The following FERMT3 variants were observed in gnomAD, a reference collection of about 807,000 sequenced individuals.
The protein encoded by FERMT3 is FERM domain containing kindlin 3, also known as fermitin family homolog 3.
A neutral mutation model predicts 80.8 loss-of-function variants in FERMT3; 33 were observed. That is an observed-to-expected ratio of 0.41 (90% CI 0.31 to 0.55). The LOEUF (loss-of-function observed/expected upper bound fraction) is 0.55. FERMT3 is among the 20% of genes least tolerant of loss of function. FERMT3 has a pLI of 0.31. For synonymous variants in FERMT3, 375 were observed against 372.2 expected (o/e 1.01, Z -0.09); for missense variants, 754 against 908.7 (o/e 0.83, Z 2.19).
chr11:64,210,977 GC>G lies in FERMT3; in HGVS notation c.395-71del, dbSNP rs1252644274. 6 of 1,606,654 alleles carry G rather than the reference GC, an allele frequency of 3.7e-6. No homozygotes were observed. The highest frequency in any genetic ancestry group is 5.1e-6 in the Non-Finnish European group (6 of 1,176,774). ...CACCCTGCCTGCAGGGCTGTGACCCGCCCCAAGCACCCATGGGTGAGGTGGG... is the reference window on the plus strand; with the variant it reads ...CACCCTGCCTGCAGGGCTGTGACCCGCCCAAGCACCCATGGGTGAGGTGGG... On this transcript the variant is annotated intron_variant, in intron 3 of 14. Coordinates refer to ENST00000345728, the MANE Select transcript of FERMT3 (RefSeq NM_031471.6). This position sits in a 1 kb window ranked among gnomAD's most constrained non-coding sequence, Gnocchi z 4.3.
chr11:64,209,568 C>A (rs1946391921), intron 2 of FERMT3, among the ~76,000 whole-genome samples: 1 of 152,160 alleles, frequency 6.6e-6, no homozygotes, highest in African/African-American at 2.4e-5. Context: ...GGAGCCAAGA[C>A]AAGGGGATGC....
rs747641204 is a variant in FERMT3, at chr11:64,210,882, G to A, written c.394+38G>A. On this transcript the variant is annotated intron_variant, in intron 3 of 14. Coordinates refer to ENST00000345728, the MANE Select transcript of FERMT3 (RefSeq NM_031471.6). The surrounding 1 kb of genome is among the most constrained non-coding windows in gnomAD (Gnocchi z 4.3). ...GCTGATTCCCCTGGCCCACGAGGGT[G>A]ATGCAAAGAGGCAGGTTCCCCCGTT... 1.4e-5 allele frequency: 22 copies of A among 1,609,148 alleles called. No individual in the cohort carries two copies. The highest frequency in any genetic ancestry group is 1.7e-5 in the Non-Finnish European group (20 of 1,179,544).
chr11:64,218,377 C>G (rs1242825429), intron 6 of FERMT3, among the ~76,000 whole-genome samples: 1 of 152,086 alleles, frequency 6.6e-6, no homozygotes, highest in African/African-American at 2.4e-5. Context: ...AATTACAGCT[C>G]ACTGCACCCT....
chr11:64,217,751 C>A (rs1444552557), intron 6 of FERMT3, among the ~76,000 whole-genome samples: 1 of 152,124 alleles, frequency 6.6e-6, no homozygotes, highest in Non-Finnish European at 1.5e-5. Flanking sequence ...ATCCAGAGTC[C>A]TCTCTTCAGC....
chr11:64,213,957 G>A (rs1946496584), intron 6 of FERMT3, among the ~76,000 whole-genome samples: 1 of 152,086 alleles, frequency 6.6e-6, no homozygotes, highest in South Asian at 2.1e-4. Context: ...TTTGTAAGAA[G>A]GTTTCACTGT....
chr11:64,222,228 G>C (rs1946705702), intron 13 of FERMT3, among the ~76,000 whole-genome samples: 1 of 140,624 alleles, frequency 7.1e-6, no homozygotes. Flanking sequence ...GCGAACGAGT[G>C]AGACTCAGTC....
rs772191175 is a variant in FERMT3 at position 64,219,774 on chromosome 11, A to G, written c.1064A>G (p.His355Arg). 1.2e-6 allele frequency: 2 copies of G among 1,614,024 alleles called. No homozygotes were observed. Among genetic ancestry groups the G allele is most frequent in the Admixed American group, 3.3e-5 (2 of 60,016 alleles). Reference sequence around the variant, plus strand: ...ACCACCATCCCAGAGCTCAAGGACCATCTCCGAATCTTTCGGTGAGTTGGG... The same window carrying G: ...ACCACCATCCCAGAGCTCAAGGACCGTCTCCGAATCTTTCGGTGAGTTGGG... ...SLTTIPELKD[H>R]LRIFRPRKLT... The change falls in exon 9 of 15, where the codon CAT (histidine) becomes CGT (arginine). Residue 355 changes from histidine to arginine, a missense_variant. Physicochemically the swap from His to Arg is conservative, Grantham distance 29 (BLOSUM62 0). Transcript: ENST00000345728. The surrounding 1 kb of genome is among the most constrained non-coding windows in gnomAD (Gnocchi z 4.0).
chr11:64,210,613 C>G lies in FERMT3; in HGVS notation c.163C>G (p.Arg55Gly), dbSNP rs769352433. The change falls in exon 3 of 15, where the codon CGC becomes GGC. Residue 55 changes from arginine (R) to glycine (G), a missense_variant and splice_region_variant. Coordinates refer to ENST00000345728, the MANE Select transcript of FERMT3 (RefSeq NM_031471.6). This position sits in a 1 kb window ranked among gnomAD's most constrained non-coding sequence, Gnocchi z 4.3. ...VLLKIVEQIN[R>G]KQDWSDHAIW... Reference sequence around the variant, plus strand: ...AGATGTGCCCCCGTGCCCCACAGATCGCAAGCAGGACTGGTCAGACCATGC... The same window carrying G: ...AGATGTGCCCCCGTGCCCCACAGATGGCAAGCAGGACTGGTCAGACCATGC... 6.2e-7 allele frequency: 1 copy of G among 1,613,612 alleles called. No homozygotes were observed. Among genetic ancestry groups the G allele is most frequent in the South Asian group, 1.1e-5 (1 of 91,072 alleles).
chr11:64,223,300 G>A lies in FERMT3; in HGVS notation c.1813-13G>A, dbSNP rs372936910. On this transcript the variant is annotated splice_polypyrimidine_tract_variant and intron_variant, in intron 14 of 14. Transcript: ENST00000345728. ...TATCCCACCCACCATTTGCCCCTCT[G>A]TCTGCCCTTCAGGTGGCCATCGAGT... 9.5e-5 allele frequency: 154 copies of A among 1,613,788 alleles called. No individual in the cohort carries two copies. In the South Asian group the frequency reaches 1.0e-3, roughly 11 times the overall value.
At position 64,211,816 on chromosome 11, in the gene FERMT3, G is replaced by A; in HGVS notation, c.786+69G>A. 1 of 1,465,778 alleles carries A rather than the reference G, an allele frequency of 6.8e-7. No homozygotes were observed. The highest frequency in any genetic ancestry group is 9.6e-7 in the Non-Finnish European group (1 of 1,047,086). 90.8% of individuals were successfully genotyped at this position (1,465,778 alleles called of 1,614,324 possible). On this transcript the variant is annotated intron_variant, in intron 6 of 14. Coordinates refer to ENST00000345728, the MANE Select transcript of FERMT3 (RefSeq NM_031471.6). This position sits in a 1 kb window ranked among gnomAD's most constrained non-coding sequence, Gnocchi z 4.7. ...GTGGAGACCTAGGGCCTGGGGTATG[G>A]GCTCTGGGATGTTAGTGACTTGTAG...
intron 2 of FERMT3, 89 bp downstream of exon 2, chr11:64,207,613 C>T: frequency 6.8e-7 from 1 of 1,475,960 alleles, no homozygotes; most frequent in Non-Finnish European, 9.2e-7. Context: ...CCCTGCTGCT[C>T]AGCTCCCGAT....
At chr11:64,206,632 G>A (rs1946315765), upstream of FERMT3, 2 of 152,672 alleles carry the variant, frequency 1.3e-5, no homozygotes, top group South Asian at 2.1e-4. Context: ...TGGGCTGGCA[G>A]TGTGCTTCCT....
At position 64,220,596 on chromosome 11, in the gene FERMT3, A is replaced by T; in HGVS notation, c.1472A>T (p.Asp491Val). The T allele has an allele frequency of 6.2e-7, 1 of 1,610,422 alleles. No homozygotes were observed. The highest frequency in any genetic ancestry group is 8.5e-7 in the Non-Finnish European group (1 of 1,178,810). Residue 491 changes from aspartate to valine, a missense_variant, in exon 12 of 15, where the codon GAT becomes GTT. Transcript: ENST00000345728. ...CCGGGCAACCACCCCCACGGCCCTG[A>T]TGCCTCTGCCGAGGGCCTCAACCCC... ...GGPGNHPHGP[D>V]ASAEGLNPYG... is the part of the protein sequence containing the mutation.
intron 6 of FERMT3, among the ~76,000 whole-genome samples, chr11:64,215,392 GT>G (rs1159140199): frequency 2.6e-5 from 4 of 152,040 alleles, no homozygotes; most frequent in Non-Finnish European, 4.4e-5. Context: ...ATATTGAGTC[GT>G]TTGTCTTTTT....
chr11:64,221,304 C>T (rs534461503), intron 13 of FERMT3, among the ~76,000 whole-genome samples, 164 bp downstream of exon 13: 1 of 152,290 alleles, frequency 6.6e-6, no homozygotes, highest in Admixed American at 6.5e-5. Context: ...CATGTGTGCC[C>T]CTCATGCTGT....
At position 64,223,290 on chromosome 11, in the gene FERMT3, TTGCCCCTCTGTC is replaced by T. The variant is rs1251652503; in HGVS notation, c.1813-17_1813-6del. The T allele has an allele frequency of 6.2e-7, 1 of 1,613,614 alleles. No homozygotes were observed. Among genetic ancestry groups the T allele is most frequent in the South Asian group, 1.1e-5 (1 of 91,090 alleles). ...GCTGCTCCCTTATCCCACCCACCATTTGCCCCTCTGTCTGCCCTTCAGGTGGCCATCGAGTTT... is the reference window on the plus strand; with the variant it reads ...GCTGCTCCCTTATCCCACCCACCATTTGCCCTTCAGGTGGCCATCGAGTTT... On this transcript the variant is annotated splice_polypyrimidine_tract_variant and intron_variant, in intron 14 of 14. Transcript: ENST00000345728.
At chr11:64,206,949 T>C (rs1185424897) in intron 1 of FERMT3, 135 bp downstream of exon 1, 1 of 169,530 alleles carries the variant, frequency 5.9e-6, no homozygotes, top group African/African-American at 2.4e-5. Context: ...GTTTGTGATG[T>C]TGGCATCTGA....
At chr11:64,223,011 G>C (rs775271134) in intron 13 of FERMT3, 37 bp from the exon 14 acceptor site, 2 of 1,612,720 alleles carry the variant, frequency 1.2e-6, no homozygotes, top group South Asian at 2.2e-5. Flanking sequence ...GCCATGCAGG[G>C]TGGAGCCCTG....
chr11:64,219,460 C>T lies in FERMT3; in HGVS notation c.895-64C>T. 9.6e-6 allele frequency: 15 copies of T among 1,560,832 alleles called. No individual in the cohort carries two copies. The highest frequency in any genetic ancestry group is 1.3e-5 in the Non-Finnish European group (15 of 1,153,316). On this transcript the variant is annotated intron_variant, in intron 7 of 14. Transcript: ENST00000345728. This position sits in a 1 kb window ranked among gnomAD's most constrained non-coding sequence, Gnocchi z 4.0. Reference sequence around the variant, plus strand: ...GGGGCTACCTCCAGGGAAGCCCGGCCTGGGGGTACTGCTAGGGGACCAGGC... The same window carrying T: ...GGGGCTACCTCCAGGGAAGCCCGGCTTGGGGGTACTGCTAGGGGACCAGGC...
Sources: gnomAD v4.1 joint callset for allele counts (sites outside exome capture counted in the v4.1 genomes callset) on GRCh38, gnomAD v4.1.1 for gene constraint, Gnocchi (gnomAD v3.1) non-coding constraint, MANE v1.5 for transcripts, NCBI Gene and HGNC (gene_info 2026-07-23, HGNC 2026-07-21) for gene names.